MYO9B: variants seen among roughly 807,000 people sequenced by gnomAD.
The protein encoded by MYO9B is unconventional myosin-IXb.
A neutral mutation model predicts 229.5 loss-of-function variants in MYO9B; 71 were observed. The observed-to-expected ratio is 0.31, with a 90% CI of 0.26 to 0.38. MYO9B has a LOEUF of 0.38. Ranked by LOEUF, MYO9B falls within the 10% of genes least tolerant of loss-of-function variation. The pLI is 1.00. For synonymous variants in MYO9B, 1,185 were observed against 1,235.8 expected (o/e 0.96, Z 0.86); for missense variants, 2,255 against 2,920.5 (o/e 0.77, Z 5.25).
At chr19:17,148,660 T>C (rs2072443023) in intron 3 of MYO9B, among the ~76,000 whole-genome samples, 2 of 152,200 alleles carry the variant, frequency 1.3e-5, no homozygotes, top group Non-Finnish European at 2.9e-5. Flanking sequence ...CTCTGCTCAC[T>C]GCAACCTCCG....
At position 17,154,433 on chromosome 19, in the gene MYO9B, CG is replaced by C; in HGVS notation, c.1199+22del. On this transcript the variant is annotated intron_variant, in intron 6 of 39. Coordinates refer to ENST00000682292, the MANE Select transcript of MYO9B (RefSeq NM_004145.4). Reference sequence around the variant, plus strand: ...AAGAAGCAGTAAGTGTGCGGGCTCCCGGGGCCTGTCCCCCAGAGCCTACAGG... The same window carrying C: ...AAGAAGCAGTAAGTGTGCGGGCTCCCGGGCCTGTCCCCCAGAGCCTACAGG... 4 of 1,593,388 alleles carry C rather than the reference CG, an allele frequency of 2.5e-6. No homozygotes were observed. Among genetic ancestry groups the C allele is most frequent in the Non-Finnish European group, 1.7e-6 (2 of 1,165,336 alleles).
intron 2 of MYO9B, among the ~76,000 whole-genome samples, chr19:17,122,265 G>A (rs1222048578): frequency 7.9e-5 from 12 of 152,296 alleles, no homozygotes; most frequent in Non-Finnish European, 1.5e-4. Flanking sequence ...GAGGCTAGGC[G>A]CAGTGGCTCA....
At chr19:17,184,010 C>T (rs1295693515) in intron 16 of MYO9B, 142 bp downstream of exon 16, 3 of 840,588 alleles carry the variant, frequency 3.6e-6, no homozygotes, top group African/African-American at 1.7e-5. Context: ...AAAATGTTCT[C>T]GTGTTGAGAT....
chr19:17,199,468 G>C (rs1374485427), intron 24 of MYO9B, among the ~76,000 whole-genome samples: 2 of 151,776 alleles, frequency 1.3e-5, no homozygotes. Flanking sequence ...TACAAAGAAA[G>C]GGCTATTGCT....
intron 2 of MYO9B, among the ~76,000 whole-genome samples, chr19:17,116,223 A>G (rs1358483128): frequency 6.6e-6 from 1 of 152,214 alleles, no homozygotes; most frequent in Non-Finnish European, 1.5e-5. Flanking sequence ...ACAGTCTGCC[A>G]GGGACTCAGT....
chr19:17,187,017 C>T (rs955519003), intron 18 of MYO9B, among the ~76,000 whole-genome samples: 2 of 152,094 alleles, frequency 1.3e-5, no homozygotes, highest in South Asian at 2.1e-4. Context: ...CGTAAGCCAC[C>T]GCGCCCAGCA....
chr19:17,204,680 C>CA (rs561193898), intron 30 of MYO9B, among the ~76,000 whole-genome samples: 5,488 of 150,236 alleles, frequency 0.037, 147 homozygotes, highest in Middle Eastern at 0.094. Context: ...CCCATCTATA[C>CA]AAAAAAAAAT....
At chr19:17,206,225 G>GGGGGGGCCCCCCCC in intron 32 of MYO9B, 23 bp from the exon 33 acceptor site, 9 of 1,564,656 alleles carry the variant, frequency 5.8e-6, no homozygotes, top group South Asian at 1.2e-5. Flanking sequence ...CCGCTCACCA[G>GGGGGGGCCCCCCCC]ACCCACCCCA....
chr19:17,194,642 G>A lies in MYO9B; in HGVS notation c.3215G>A (p.Gly1072Asp). ...GCCGCAAGAGCAGGTGCTGAGGAGG[G>A]CGGACAGGGTCAGGCGGCTGGAGGG... ...LEAARAGAEEGGQGQAAGGQQ... is the reference protein window; with the variant it reads ...LEAARAGAEEDGQGQAAGGQQ... The change falls in exon 22 of 40, where the codon GGC becomes GAC. Residue 1072 changes from glycine to aspartate, a missense_variant. Gly to Asp is a moderately conservative substitution (Grantham distance 94). Transcript: ENST00000682292. 9 of 1,612,748 alleles carry A rather than the reference G, an allele frequency of 5.6e-6. No individual in the cohort carries two copies. The highest frequency in any genetic ancestry group is 7.6e-6 in the Non-Finnish European group (9 of 1,179,778).
At chr19:17,096,156 T>G (rs1393989953) in intron 1 of MYO9B, among the ~76,000 whole-genome samples, 2 of 152,312 alleles carry the variant, frequency 1.3e-5, no homozygotes, top group African/African-American at 4.8e-5. Context: ...CCTGAACTCG[T>G]TGGTTCCTTC....
chr19:17,121,178 A>G (rs2057960408), intron 2 of MYO9B, among the ~76,000 whole-genome samples: 1 of 152,122 alleles, frequency 6.6e-6, no homozygotes, highest in South Asian at 2.1e-4. Context: ...CCTGGACTCA[A>G]GCCATCCACC....
intron 3 of MYO9B, among the ~76,000 whole-genome samples, chr19:17,152,056 A>G (rs1370206471): frequency 1.3e-4 from 20 of 151,968 alleles, no homozygotes; most frequent in East Asian, 1.2e-3. Context: ...GCATGGTGGC[A>G]CATGCCTGTA....
chr19:17,080,971 G>A (rs1259530032), intron 1 of MYO9B, among the ~76,000 whole-genome samples: 1 of 152,132 alleles, frequency 6.6e-6, no homozygotes, highest in East Asian at 1.9e-4. Flanking sequence ...GGTGGACACA[G>A]CTCAGCCCAT....
At chr19:17,202,737 G>C in intron 28 of MYO9B, 105 bp from the exon 29 acceptor site, 1 of 1,157,548 alleles carries the variant, frequency 8.6e-7, no homozygotes, top group Non-Finnish European at 1.2e-6. Flanking sequence ...CTCCAGGTGA[G>C]GGAGGGTTCA....
chr19:17,152,566 A>G, intron 3 of MYO9B, 78 bp from the exon 4 acceptor site: 7 of 1,297,406 alleles, frequency 5.4e-6, no homozygotes, highest in South Asian at 2.7e-5. Context: ...CCCATCTCAA[A>G]AAAAAAAAAA....
In MYO9B at chr19:17,101,979, G is replaced by T; in HGVS notation, c.262G>T (p.Val88Leu). The T allele has an allele frequency of 1.2e-6, 2 of 1,613,282 alleles. No individual in the cohort carries two copies. The highest frequency in any genetic ancestry group is 1.7e-6 in the Non-Finnish European group (2 of 1,179,870). ...CGCCAACGACTCGCCTGTGCACCGGGTGCTGCTATGGCCCCGGCGGGCACA... is the reference window on the plus strand; with the variant it reads ...CGCCAACGACTCGCCTGTGCACCGGTTGCTGCTATGGCCCCGGCGGGCACA... ...LDANDSPVHRVLLWPRRAQDE... is the reference protein window; with the variant it reads ...LDANDSPVHRLLLWPRRAQDE... The change falls in exon 2 of 40, where the codon GTG (valine) becomes TTG (leucine). Residue 88 changes from valine to leucine, a missense_variant. Coordinates refer to ENST00000682292, the MANE Select transcript of MYO9B (RefSeq NM_004145.4). The surrounding 1 kb of genome is among the most constrained non-coding windows in gnomAD (Gnocchi z 4.7).
Position 17,172,737 on chromosome 19 carries a change from GC to G in MYO9B, c.1936-19del. ...GGTGAGTGACTATCCCCGAGTGACC[GC>G]CCACATCCATCCCCCACCAGGACTT... On this transcript the variant is annotated intron_variant, in intron 12 of 39. Coordinates refer to ENST00000682292, the MANE Select transcript of MYO9B (RefSeq NM_004145.4). The surrounding 1 kb of genome is among the most constrained non-coding windows in gnomAD (Gnocchi z 8.2). 6.2e-7 allele frequency: 1 copy of G among 1,611,670 alleles called. No individual in the cohort carries two copies.
At chr19:17,169,802 CTTTTTTT>C (rs762583073) in intron 11 of MYO9B, among the ~76,000 whole-genome samples, 2,372 of 106,446 alleles carry the variant, frequency 0.022, 52 homozygotes, top group Non-Finnish European at 0.033. Flanking sequence ...CTGTCTCCTC[CTTTTTTT>C]TTTTTTTTTT....
intron 2 of MYO9B, among the ~76,000 whole-genome samples, chr19:17,105,684 G>C (rs1029101426): frequency 6.6e-6 from 1 of 152,072 alleles, no homozygotes. Flanking sequence ...TTGACCTCTC[G>C]CCTCTTGTTA....
Sources: allele counts gnomAD v4.1 joint callset (sites outside exome capture counted in the v4.1 genomes callset), GRCh38; gene constraint gnomAD v4.1.1; non-coding constraint Gnocchi (gnomAD v3.1); transcripts MANE v1.5; gene names NCBI Gene and HGNC (gene_info 2026-07-23, HGNC 2026-07-21).